The following PLD1 variants were observed in gnomAD, a reference collection of about 807,000 sequenced individuals.
The protein encoded by PLD1 is choline phosphatase 1.
Under a neutral mutation model 137.1 loss-of-function variants are expected in PLD1, and 112 were observed. The ratio of observed to expected loss-of-function variants is 0.82; its 90% CI spans 0.70 to 0.96. The LOEUF (loss-of-function observed/expected upper bound fraction) is 0.96, where lower values mean the gene tolerates loss of function less well. PLD1 is among the 40% of genes least tolerant of loss of function. PLD1 has a pLI of 0.00. For synonymous variants in PLD1, 431 were observed against 454.7 expected, an observed-to-expected ratio of 0.95 and a Z score of 0.66; for missense variants, 1,321 against 1,342.0, an observed-to-expected ratio of 0.98 and a Z score of 0.24.
intron 1 of PLD1, among the ~76,000 whole-genome samples, chr3:171,798,850 C>A (rs983972494): frequency 2.0e-5 from 3 of 152,152 alleles, no homozygotes; most frequent in African/African-American, 7.2e-5. Context: ...AGAGAGTCAG[C>A]CATGCTGGGA....
At chr3:171,772,745 G>A (rs922795592) in intron 1 of PLD1, among the ~76,000 whole-genome samples, 1 of 152,194 alleles carries the variant, frequency 6.6e-6, no homozygotes, top group Non-Finnish European at 1.5e-5. Flanking sequence ...GAGCAGCTAT[G>A]CGAGCACATT....
At position 171,603,299 on chromosome 3, in the gene PLD1, A is replaced by C; in HGVS notation, c.3004T>G (p.Phe1002Val). ...ARNATIYDKV[F>V]RCLPNDEVHN... ...ACTTCATCATTGGGAAGGCACCGGAAAACCTGATTAGAGCATAAATAGAAA... is the reference window on the plus strand; with the variant it reads ...ACTTCATCATTGGGAAGGCACCGGACAACCTGATTAGAGCATAAATAGAAA... Residue 1002 changes from phenylalanine (F) to valine (V), a missense_variant, in exon 27 of 27, where the codon TTC (phenylalanine) becomes GTC (valine). Transcript: ENST00000351298. 1.2e-6 allele frequency: 2 copies of C among 1,611,342 alleles called. No homozygotes were observed. Among genetic ancestry groups the C allele is most frequent in the Non-Finnish European group, 1.7e-6 (2 of 1,177,586 alleles).
chr3:171,642,358 G>A (rs1735825849), intron 23 of PLD1, among the ~76,000 whole-genome samples: 1 of 150,312 alleles, frequency 6.7e-6, no homozygotes, highest in South Asian at 2.1e-4. Flanking sequence ...TCGGGAGGCT[G>A]AGGCAAAAGA....
chr3:171,706,857 G>T (rs944126369), intron 11 of PLD1, among the ~76,000 whole-genome samples: 3 of 152,204 alleles, frequency 2.0e-5, no homozygotes, highest in Admixed American at 6.5e-5. Flanking sequence ...TTCTCTTGCT[G>T]AAAGTAGAGA....
intron 19 of PLD1, among the ~76,000 whole-genome samples, chr3:171,663,383 T>G (rs1426238315): frequency 6.6e-6 from 1 of 152,242 alleles, no homozygotes; most frequent in African/African-American, 2.4e-5. Flanking sequence ...CTGTTGATCG[T>G]GTTTCTTAAC....
chr3:171,652,907 G>A (rs750936591), intron 21 of PLD1, among the ~76,000 whole-genome samples: 1 of 150,874 alleles, frequency 6.6e-6, no homozygotes, highest in African/African-American at 2.4e-5. Flanking sequence ...AAGCCACAGT[G>A]CCCAGCTCAT....
intron 19 of PLD1, 125 bp from the exon 20 acceptor site, chr3:171,662,295 GTGTGAACC>G (rs1711577137): frequency 1.6e-6 from 1 of 615,540 alleles, no homozygotes; most frequent in African/African-American, 1.8e-5. Flanking sequence ...TGAGTGTCAT[GTGTGAACC>G]AAAGGAGAGT....
chr3:171,795,520 G>A (rs1723400392), intron 1 of PLD1, among the ~76,000 whole-genome samples: 1 of 152,092 alleles, frequency 6.6e-6, no homozygotes, highest in Non-Finnish European at 1.5e-5. Flanking sequence ...CTCCCTGGAT[G>A]CCATTCCCAA....
intron 1 of PLD1, among the ~76,000 whole-genome samples, chr3:171,746,424 G>A (rs1720184981): frequency 6.6e-6 from 1 of 152,196 alleles, no homozygotes; most frequent in Non-Finnish European, 1.5e-5. Context: ...TCTAGCTAAA[G>A]GTTTGTAAAC....
chr3:171,632,435 C>A (rs1318071512), intron 23 of PLD1, among the ~76,000 whole-genome samples: 1 of 152,062 alleles, frequency 6.6e-6, no homozygotes, highest in East Asian at 1.9e-4. Context: ...TCAATAAGGT[C>A]TATAAACTGG....
At chr3:171,773,742 A>AGTTTGTTTGTTTGTTT (rs139067977) in intron 1 of PLD1, among the ~76,000 whole-genome samples, 12 of 151,602 alleles carry the variant, frequency 7.9e-5, no homozygotes, top group African/African-American at 2.9e-4. Context: ...TTATTATACC[A>AGTTTGTTTGTTTGTTT]GTTTGTTTGT....
chr3:171,710,016 ATTAG>A (rs369165051), intron 9 of PLD1, among the ~76,000 whole-genome samples: 71 of 152,228 alleles, frequency 4.7e-4, no homozygotes, highest in African/African-American at 1.6e-3. Flanking sequence ...ATTTTTAAGT[ATTAG>A]TTAGAGAGCT....
chr3:171,697,106 G>A (rs556704475), intron 12 of PLD1, among the ~76,000 whole-genome samples: 2 of 152,252 alleles, frequency 1.3e-5, no homozygotes, highest in South Asian at 2.1e-4. Context: ...GAGCCCTACC[G>A]AGGCATTTAC....
intron 1 of PLD1, chr3:171,789,733 A>G (rs901570105): frequency 4.6e-5 from 7 of 152,250 alleles, no homozygotes; most frequent in African/African-American, 9.6e-5. Flanking sequence ...CAGAAAACAA[A>G]ACAAAACAAA....
At chr3:171,749,566 A>C (rs1219469111) in intron 1 of PLD1, among the ~76,000 whole-genome samples, 1 of 152,236 alleles carries the variant, frequency 6.6e-6, no homozygotes, top group Non-Finnish European at 1.5e-5. Flanking sequence ...AGATAATTAC[A>C]TATTCTGGAA....
intron 12 of PLD1, among the ~76,000 whole-genome samples, chr3:171,693,582 T>C (rs1158672342): frequency 6.6e-6 from 1 of 152,158 alleles, no homozygotes; most frequent in African/African-American, 2.4e-5. Context: ...GCTTGAATCC[T>C]CCTTATTTTT....
intron 1 of PLD1, among the ~76,000 whole-genome samples, chr3:171,783,646 A>G (rs984826780): frequency 2.0e-5 from 3 of 151,592 alleles, no homozygotes; most frequent in Middle Eastern, 3.4e-3. Context: ...TTGCCTGTTT[A>G]TTTGTTTGTT....
intron 23 of PLD1, among the ~76,000 whole-genome samples, chr3:171,628,108 C>G (rs548631237): frequency 6.6e-6 from 1 of 151,492 alleles, no homozygotes; most frequent in African/African-American, 2.4e-5. Context: ...ATTGATAGAC[C>G]GCTAGCAAGA....
chr3:171,798,086 C>T (rs1723501396), intron 1 of PLD1, among the ~76,000 whole-genome samples: 1 of 152,190 alleles, frequency 6.6e-6, no homozygotes, highest in African/African-American at 2.4e-5. Flanking sequence ...CCAGGTAACA[C>T]CGCTACTTAA....
Sources: allele counts gnomAD v4.1 joint callset (sites outside exome capture counted in the v4.1 genomes callset), GRCh38; gene constraint gnomAD v4.1.1; transcripts MANE v1.5; gene names NCBI Gene and HGNC (gene_info 2026-07-23, HGNC 2026-07-21).